MBD5: variants seen among roughly 807,000 people sequenced by gnomAD.
MBD5 encodes methyl-CpG binding domain protein 5, also known as methyl-CpG-binding domain protein 5.
A neutral mutation model predicts 117.3 loss-of-function variants in MBD5; 13 were observed. The observed-to-expected ratio is 0.11, with a 90% CI of 0.07 to 0.18. The LOEUF (loss-of-function observed/expected upper bound fraction) is 0.18, where lower values mean the gene tolerates loss of function less well. MBD5 is among the 10% of genes least tolerant of loss of function. The pLI, the probability that MBD5 is intolerant of heterozygous loss-of-function variation, is 1.00. For missense variants in MBD5, 1,879 were observed against 2,093.8 expected (o/e 0.90, Z 2.00); for synonymous variants, 727 against 766.4 (o/e 0.95, Z 0.85).
intron 1 of MBD5, chr2:148,025,948 T>A (rs1693880269): frequency 6.6e-6 from 1 of 152,206 alleles, no homozygotes; most frequent in Non-Finnish European, 1.5e-5. Context: ...GAATCTTATC[T>A]CAGTTCCTGT....
intron 3 of MBD5, among the ~76,000 whole-genome samples, chr2:148,241,347 C>T (rs1461216269): frequency 2.0e-5 from 3 of 152,222 alleles, no homozygotes; most frequent in Admixed American, 6.5e-5. Context: ...ACTCCTAAAA[C>T]GTGGTCCTTT....
chr2:148,373,508 T>C (rs1433869880), intron 4 of MBD5, among the ~76,000 whole-genome samples: 1 of 152,172 alleles, frequency 6.6e-6, no homozygotes, highest in Non-Finnish European at 1.5e-5. Flanking sequence ...ATATATTATA[T>C]GCATTATCCA....
intron 1 of MBD5, among the ~76,000 whole-genome samples, chr2:148,103,393 T>C (rs1696281453): frequency 6.6e-6 from 1 of 152,158 alleles, no homozygotes; most frequent in Non-Finnish European, 1.5e-5. Flanking sequence ...GGTAAATATT[T>C]CTGGGGCCAT....
At chr2:148,349,461 G>T (rs578122644) in intron 4 of MBD5, among the ~76,000 whole-genome samples, 2 of 151,854 alleles carry the variant, frequency 1.3e-5, no homozygotes, top group Non-Finnish European at 2.9e-5. Context: ...ATAAGTAAAT[G>T]TTTTGGTTTG....
chr2:148,049,768 A>G (rs1380988721), intron 1 of MBD5, among the ~76,000 whole-genome samples: 1 of 152,164 alleles, frequency 6.6e-6, no homozygotes, highest in African/African-American at 2.4e-5. Context: ...CTTTCTAACT[A>G]TATAGATTTG....
chr2:148,478,184 A>T (rs1294373145), intron 8 of MBD5, among the ~76,000 whole-genome samples: 1 of 152,236 alleles, frequency 6.6e-6, no homozygotes, highest in African/African-American at 2.4e-5. Context: ...GGATTAAATT[A>T]ATATTAGGAA....
chr2:148,130,556 T>TACA (rs1553475358), intron 1 of MBD5, among the ~76,000 whole-genome samples: 1 of 149,122 alleles, frequency 6.7e-6, no homozygotes, highest in East Asian at 2.0e-4. Context: ...TGTGTGATAT[T>TACA]AAAAAAAAAA....
At chr2:148,170,393 T>C (rs1266756179) in intron 1 of MBD5, among the ~76,000 whole-genome samples, 2 of 152,226 alleles carry the variant, frequency 1.3e-5, no homozygotes, top group Non-Finnish European at 2.9e-5. Context: ...AATCTGTGGA[T>C]TGCATGATTA....
chr2:148,411,019 C>T (rs115326909), intron 4 of MBD5, among the ~76,000 whole-genome samples: 2,559 of 152,274 alleles, frequency 0.017, 84 homozygotes, highest in African/African-American at 0.057. Context: ...CCACCCTCCA[C>T]GCTCAAGTGG....
intron 3 of MBD5, among the ~76,000 whole-genome samples, chr2:148,315,786 T>C (rs1702143323): frequency 6.6e-6 from 1 of 152,332 alleles, no homozygotes; most frequent in Non-Finnish European, 1.5e-5. Flanking sequence ...GTATCTTTAC[T>C]TTTGTCCTTT....
chr2:148,238,600 G>A (rs919588742), intron 3 of MBD5, among the ~76,000 whole-genome samples: 14 of 152,134 alleles, frequency 9.2e-5, no homozygotes, highest in African/African-American at 3.4e-4. Context: ...ACCATAAATT[G>A]TGTAGCTTAA....
At position 148,463,806 on chromosome 2, in the gene MBD5, A is replaced by T; in HGVS notation, c.284A>T (p.Asp95Val). Residue 95 changes from aspartate (D) to valine (V), a missense_variant, in exon 7 of 14, where the codon GAT becomes GTT. Coordinates refer to ENST00000642680, the MANE Select transcript of MBD5 (RefSeq NM_001378120.1). The part of the protein sequence containing the change: ...RTAEDVKADE[D>V]VTKLCIHKRK... ...GCAGAAGATGTTAAGGCAGATGAAGATGTCACAAAGCTATGCATACATAAA... is the reference window on the plus strand; with the variant it reads ...GCAGAAGATGTTAAGGCAGATGAAGTTGTCACAAAGCTATGCATACATAAA... 6.2e-7 allele frequency: 1 copy of T among 1,613,884 alleles called. No homozygotes were observed. Among genetic ancestry groups the T allele is most frequent in the Non-Finnish European group, 8.5e-7 (1 of 1,179,826 alleles).
chr2:148,235,261 C>A (rs923088073), intron 3 of MBD5, among the ~76,000 whole-genome samples: 1 of 152,046 alleles, frequency 6.6e-6, no homozygotes. Context: ...TTTTTAGATG[C>A]AAAACTTGTG....
intron 4 of MBD5, among the ~76,000 whole-genome samples, chr2:148,397,479 G>A (rs932954657): frequency 1.3e-5 from 2 of 151,560 alleles, no homozygotes; most frequent in South Asian, 4.2e-4. Context: ...ACAGATGCCC[G>A]CCACCACGCC....
At chr2:148,064,017 C>T (rs1249964080) in intron 1 of MBD5, among the ~76,000 whole-genome samples, 1 of 151,736 alleles carries the variant, frequency 6.6e-6, no homozygotes, top group African/African-American at 2.4e-5. Context: ...CTCCTGGGTT[C>T]TGGTGGGACT....
rs541743446 is a variant in MBD5, at chr2:148,126,121, G to A, written c.-924-52579G>A. Among the ~76,000 whole-genome samples, 9 of 152,146 alleles carry A rather than the reference G, an allele frequency of 5.9e-5. No individual in the cohort carries two copies. The East Asian group carries it at 9.7e-4, about 16-fold the overall frequency. The stretch of plus-strand genomic sequence containing the variant: ...TTGTAGGTTAAGAAGCAGGCTGGGC[G>A]CAGTGGCTCACACCTGTAATCCCAA... On this transcript the variant is annotated intron_variant, in intron 1 of 13. Transcript: ENST00000642680.
intron 4 of MBD5, among the ~76,000 whole-genome samples, chr2:148,426,415 C>T (rs1426228697): frequency 6.6e-6 from 1 of 151,912 alleles, no homozygotes; most frequent in African/African-American, 2.4e-5. Flanking sequence ...TACAAGGCTA[C>T]AGTAACCAAA....
At chr2:148,418,270 T>C (rs1348930516) in intron 4 of MBD5, among the ~76,000 whole-genome samples, 2 of 152,234 alleles carry the variant, frequency 1.3e-5, no homozygotes, top group African/African-American at 4.8e-5. Flanking sequence ...ATTATTTCTT[T>C]TGCTGTGCAG....
At chr2:148,124,278 A>G (rs1157961735) in intron 1 of MBD5, among the ~76,000 whole-genome samples, 2 of 150,898 alleles carry the variant, frequency 1.3e-5, no homozygotes, top group Non-Finnish European at 3.0e-5. Context: ...AACTGTCTTG[A>G]AAAAACAAAC....
Sources: gnomAD v4.1 joint callset for allele counts (sites outside exome capture counted in the v4.1 genomes callset) on GRCh38, gnomAD v4.1.1 for gene constraint, MANE v1.5 for transcripts, NCBI Gene and HGNC (gene_info 2026-07-23, HGNC 2026-07-21) for gene names.